The following NDC1 variants were observed in gnomAD, a reference collection of about 807,000 sequenced individuals.
NDC1 encodes nucleoporin NDC1.
NDC1 carries 24 observed loss-of-function variants against 89.8 expected under a neutral mutation model. That is an observed-to-expected ratio of 0.27 (90% CI 0.19 to 0.38). The LOEUF (loss-of-function observed/expected upper bound fraction) is 0.38. Ranked by LOEUF, NDC1 falls within the 10% of genes least tolerant of loss-of-function variation. The pLI, the probability that NDC1 is intolerant of heterozygous loss-of-function variation, is 1.00. For missense variants in NDC1, 728 were observed against 797.6 expected, an observed-to-expected ratio of 0.91 and a Z score of 1.05; for synonymous variants, 296 against 284.8, an observed-to-expected ratio of 1.04 and a Z score of -0.39.
intron 5 of NDC1, among the ~76,000 whole-genome samples, chr1:53,820,137 C>T (rs920680507): frequency 1.3e-5 from 2 of 151,772 alleles, no homozygotes; most frequent in Non-Finnish European, 2.9e-5. Context: ...TGCCTGTAAT[C>T]GCAGCTACTC....
intron 9 of NDC1, 80 bp from the exon 10 acceptor site, chr1:53,804,089 A>G: frequency 1.0e-6 from 1 of 973,588 alleles, no homozygotes; most frequent in East Asian, 2.4e-5. Flanking sequence ...TCATCATTAT[A>G]TATCCAAGAG....
chr1:53,777,315 T>C (rs939904075), intron 16 of NDC1, among the ~76,000 whole-genome samples: 9 of 152,186 alleles, frequency 5.9e-5, no homozygotes, highest in African/African-American at 2.2e-4. Flanking sequence ...TGAGCCATCA[T>C]GTCCAACCTT....
chr1:53,777,186 AT>A (rs1230101796), intron 16 of NDC1, among the ~76,000 whole-genome samples: 1 of 151,870 alleles, frequency 6.6e-6, no homozygotes, highest in East Asian at 1.9e-4. Context: ...CACCCAGCTA[AT>A]TTTTTTTAAA....
Position 53,766,524 on chromosome 1 carries a change from T to G in NDC1, c.*1446A>C, listed in dbSNP as rs1169528348. 3 of 152,060 alleles carry G rather than the reference T, an allele frequency of 2.0e-5. No individual in the cohort carries two copies. Among genetic ancestry groups the G allele is most frequent in the Non-Finnish European group, 4.4e-5 (3 of 68,024 alleles). The allele number at this position is 152,060 out of a possible 1,614,324, so 9.4% of individuals were successfully genotyped here. A position where few individuals can be genotyped will look rare whatever the true frequency, so the allele number is the denominator to read the frequency against. On this transcript the variant is annotated 3_prime_UTR_variant, in exon 18 of 18. Transcript: ENST00000371429. ...AGCAAAACCAAAACAAAAAAACAAATGGCAATAGTCTACATATCTAAACAC... is the reference window on the plus strand; with the variant it reads ...AGCAAAACCAAAACAAAAAAACAAAGGGCAATAGTCTACATATCTAAACAC...
intron 16 of NDC1, among the ~76,000 whole-genome samples, chr1:53,778,255 G>GTATA (rs774623449): frequency 1.6e-5 from 2 of 123,626 alleles, no homozygotes; most frequent in African/African-American, 6.3e-5. Context: ...ATGTGTGTGT[G>GTATA]TATATACACA....
rs1647577589 is a variant in NDC1 at position 53,793,130 on chromosome 1, A to G, written c.1635+99T>C. 2.8e-6 allele frequency: 3 copies of G among 1,061,030 alleles called. No homozygotes were observed. The African/African-American group carries it at 4.7e-5, about 17-fold the overall frequency. The allele number at this position is 1,061,030 out of a possible 1,614,324, so 65.7% of individuals were successfully genotyped here. A position where few individuals can be genotyped will look rare whatever the true frequency, so the allele number is the denominator to read the frequency against. ...CAAAGCTGCCTAGCTTGCTAGGATT[A>G]AGCTATAAAATATTTACAAGTCAGA... On this transcript the variant is annotated intron_variant, in intron 14 of 17. Coordinates refer to ENST00000371429, the MANE Select transcript of NDC1 (RefSeq NM_018087.5).
chr1:53,774,723 T>C (rs933246869), intron 16 of NDC1, among the ~76,000 whole-genome samples: 14 of 152,024 alleles, frequency 9.2e-5, no homozygotes, highest in African/African-American at 3.4e-4. Flanking sequence ...ACTCTGTCAC[T>C]ACAAAAAATT....
chr1:53,804,254 G>T (rs1175327975), intron 9 of NDC1, among the ~76,000 whole-genome samples: 4 of 152,032 alleles, frequency 2.6e-5, no homozygotes, highest in Non-Finnish European at 5.9e-5. Context: ...ATATATCTGC[G>T]GTGGGAAATT....
intron 16 of NDC1, among the ~76,000 whole-genome samples, chr1:53,779,856 A>ACT (rs371689521): frequency 4.6e-5 from 7 of 152,202 alleles, no homozygotes; most frequent in African/African-American, 1.7e-4. Context: ...CCGAGAATAG[A>ACT]CTCTGACTGA....
chr1:53,775,306 G>C (rs530068684), intron 16 of NDC1, among the ~76,000 whole-genome samples: 1 of 152,040 alleles, frequency 6.6e-6, no homozygotes, highest in African/African-American at 2.4e-5. Flanking sequence ...ACCCAGGCTG[G>C]AGTACAGTAG....
chr1:53,807,744 G>A lies in NDC1; in HGVS notation c.803C>T (p.Ser268Leu), dbSNP rs781569025. 2.3e-5 allele frequency: 37 copies of A among 1,613,700 alleles called. No individual in the cohort carries two copies. The highest frequency in any genetic ancestry group is 1.7e-4 in the Admixed American group (10 of 59,964). ...ACACAGCCAGACATGGTAGAGTAAC[G>A]AGAGATTTAAGAGGCCACTCACTGT... ...LDTVSGLLNL[S>L]LLYHVWLCGV... The change falls in exon 8 of 18, where the codon TCG (serine) becomes TTG (leucine). Residue 268 changes from serine to leucine, a missense_variant. By Grantham distance (145) the Ser-to-Leu change is moderately radical (BLOSUM62 -2). Coordinates refer to ENST00000371429, the MANE Select transcript of NDC1 (RefSeq NM_018087.5).
intron 16 of NDC1, among the ~76,000 whole-genome samples, chr1:53,783,682 A>G (rs1647240635): frequency 6.6e-6 from 1 of 152,166 alleles, no homozygotes. Flanking sequence ...CACTCTCAAT[A>G]ATGAATTAAT....
intron 16 of NDC1, among the ~76,000 whole-genome samples, chr1:53,783,389 A>G (rs1431685121): frequency 1.3e-5 from 2 of 152,152 alleles, no homozygotes; most frequent in Non-Finnish European, 2.9e-5. Flanking sequence ...TAGACATTAT[A>G]AGCCTTATAT....
chr1:53,820,802 C>T (rs914819412), intron 5 of NDC1, among the ~76,000 whole-genome samples: 5 of 150,210 alleles, frequency 3.3e-5, no homozygotes, highest in African/African-American at 1.2e-4. Context: ...CCTCTACCTC[C>T]CAGGTTCAAG....
At chr1:53,815,292 T>C (rs1259441382) in intron 6 of NDC1, among the ~76,000 whole-genome samples, 3 of 152,112 alleles carry the variant, frequency 2.0e-5, no homozygotes, top group African/African-American at 7.2e-5. Context: ...GCAGGGATGG[T>C]TTAACATACA....
In NDC1 at chr1:53,803,658, G is replaced by A. The variant is rs1364264125; in HGVS notation, c.1066+270C>T. Among the ~76,000 whole-genome samples, 3 of 151,926 alleles carry A rather than the reference G, an allele frequency of 2.0e-5. No homozygotes were observed. In the South Asian group the frequency reaches 6.2e-4, roughly 32 times the overall value. ...GCAATCTCGGCTCACTGCAAGCTCC[G>A]CCTCCCAGGCTCACGCCATTCTCCC... On this transcript the variant is annotated intron_variant, in intron 10 of 17. Transcript: ENST00000371429.
intron 16 of NDC1, among the ~76,000 whole-genome samples, chr1:53,780,863 CTTT>C (rs11289616): frequency 5.5e-5 from 8 of 144,388 alleles, no homozygotes; most frequent in Admixed American, 7.0e-5. Context: ...ATTTTTCTTT[CTTT>C]TTTTTTTTTT....
At chr1:53,803,051 A>G (rs1647974400) in intron 10 of NDC1, among the ~76,000 whole-genome samples, 1 of 152,036 alleles carries the variant, frequency 6.6e-6, no homozygotes, top group Non-Finnish European at 1.5e-5. Flanking sequence ...TGTAGCATTA[A>G]AAGTTTTAGA....
At position 53,789,244 on chromosome 1, in the gene NDC1, C is replaced by T. The variant is rs750676104; in HGVS notation, c.1636-48G>A. The T allele has an allele frequency of 4.9e-6, 6 of 1,221,702 alleles. No homozygotes were observed. In the East Asian group the frequency reaches 1.2e-4, roughly 24 times the overall value. 75.7% of individuals were successfully genotyped at this position (1,221,702 alleles called of 1,614,324 possible). ...TCAAGTGAATTCCCCTGAGCAAAAA[C>T]TCCATTATTTCCTTTAATTAAATAT... On this transcript the variant is annotated intron_variant, in intron 14 of 17. Coordinates refer to ENST00000371429, the MANE Select transcript of NDC1 (RefSeq NM_018087.5).
Sources: allele counts gnomAD v4.1 joint callset (sites outside exome capture counted in the v4.1 genomes callset), GRCh38; gene constraint gnomAD v4.1.1; transcripts MANE v1.5; gene names NCBI Gene and HGNC (gene_info 2026-07-23, HGNC 2026-07-21).